Variants in KHDRBS3 observed in about 807,000 individuals in gnomAD.
KHDRBS3 encodes KH domain-containing, RNA-binding, signal transduction-associated protein 3.
KHDRBS3 carries 23 observed loss-of-function variants against 45.6 expected under a neutral mutation model. The ratio of observed to expected loss-of-function variants is 0.50; its 90% CI spans 0.36 to 0.72. KHDRBS3 has a LOEUF of 0.72. Among genes scored for constraint, KHDRBS3 ranks in the 30% least tolerant of loss-of-function variants. KHDRBS3 has a pLI of 0.00. For synonymous variants in KHDRBS3, 162 were observed against 156.5 expected (o/e 1.04, Z -0.26); for missense variants, 352 against 424.8 (o/e 0.83, Z 1.51).
At chr8:135,527,869 C>T (rs750981043) in intron 2 of KHDRBS3, among the ~76,000 whole-genome samples, 12 of 152,070 alleles carry the variant, frequency 7.9e-5, no homozygotes, top group South Asian at 2.1e-4. Context: ...TATAGGTTTT[C>T]GTGATATTTT....
intron 1 of KHDRBS3, among the ~76,000 whole-genome samples, chr8:135,489,984 T>G (rs951433975): frequency 1.3e-5 from 2 of 152,166 alleles, no homozygotes; most frequent in Non-Finnish European, 2.9e-5. Context: ...ACTGTTCCTT[T>G]TCCTTTTTGG....
At chr8:135,636,319 A>C (rs1231110476) in intron 7 of KHDRBS3, among the ~76,000 whole-genome samples, 1 of 152,250 alleles carries the variant, frequency 6.6e-6, no homozygotes, top group Non-Finnish European at 1.5e-5. Flanking sequence ...TAATAAAATT[A>C]GTAAATGTTT....
chr8:135,475,490 T>C (rs1421623808), intron 1 of KHDRBS3, among the ~76,000 whole-genome samples: 3 of 151,894 alleles, frequency 2.0e-5, no homozygotes, highest in African/African-American at 7.3e-5. Context: ...TTTTGTATTT[T>C]TAGTAGAGAC....
chr8:135,610,970 G>C (rs183605021), intron 7 of KHDRBS3, among the ~76,000 whole-genome samples: 2 of 152,030 alleles, frequency 1.3e-5, no homozygotes, highest in African/African-American at 4.8e-5. Context: ...AAATTAATTA[G>C]ATGACAGTTG....
At chr8:135,496,420 A>T (rs1823451985) in intron 1 of KHDRBS3, among the ~76,000 whole-genome samples, 1 of 152,044 alleles carries the variant, frequency 6.6e-6, no homozygotes, top group South Asian at 2.1e-4. Context: ...TTTAGTAGAG[A>T]TGGGTTTTCG....
At chr8:135,652,489 G>T (rs1189892609), downstream of KHDRBS3, among the ~76,000 whole-genome samples, 7 of 152,322 alleles carry the variant, frequency 4.6e-5, no homozygotes, top group East Asian at 1.4e-3. Flanking sequence ...AGCATGCTCT[G>T]ACCCCAGCCC....
intron 4 of KHDRBS3, among the ~76,000 whole-genome samples, chr8:135,556,593 T>C (rs1257227414): frequency 6.6e-6 from 1 of 152,238 alleles, no homozygotes; most frequent in Non-Finnish European, 1.5e-5. Context: ...TGCTTTCTTC[T>C]TGTAAATTTG....
chr8:135,612,530 T>C (rs1409165925), intron 7 of KHDRBS3, among the ~76,000 whole-genome samples: 1 of 151,954 alleles, frequency 6.6e-6, no homozygotes, highest in Non-Finnish European at 1.5e-5. Context: ...GGCAGTGCCA[T>C]GTAGCACTTG....
chr8:135,592,152 C>A (rs1828773814), intron 6 of KHDRBS3, among the ~76,000 whole-genome samples: 4 of 151,948 alleles, frequency 2.6e-5, no homozygotes. Context: ...AATCTTTTGC[C>A]TAAATTGCTT....
intron 5 of KHDRBS3, among the ~76,000 whole-genome samples, chr8:135,565,791 G>A (rs930995614): frequency 7.2e-5 from 11 of 152,184 alleles, no homozygotes; most frequent in Admixed American, 2.6e-4. Flanking sequence ...TGGAGTCTTG[G>A]CTGCTCAGCA....
At chr8:135,626,478 A>G (rs898566714) in intron 7 of KHDRBS3, among the ~76,000 whole-genome samples, 4 of 152,296 alleles carry the variant, frequency 2.6e-5, no homozygotes, top group Middle Eastern at 3.4e-3. Flanking sequence ...GCTTCCTGGC[A>G]TGGTGGACTT....
chr8:135,625,590 C>G (rs541823917), intron 7 of KHDRBS3: 335 of 956,116 alleles, frequency 3.5e-4, no homozygotes, highest in Non-Finnish European at 4.9e-4. Context: ...GTTTCTTGAC[C>G]TTGTCTGGCA....
At chr8:135,544,381 C>G (rs1326028437) in intron 3 of KHDRBS3, among the ~76,000 whole-genome samples, 3 of 152,154 alleles carry the variant, frequency 2.0e-5, no homozygotes, top group East Asian at 1.9e-4. Flanking sequence ...ACAGCAAGTG[C>G]CTGACTACCC....
At chr8:135,499,963 A>G (rs982359980) in intron 1 of KHDRBS3, among the ~76,000 whole-genome samples, 23 of 152,232 alleles carry the variant, frequency 1.5e-4, no homozygotes, top group African/African-American at 3.6e-4. Context: ...TTGTTAGCCT[A>G]TAACAGTTAC....
intron 7 of KHDRBS3, among the ~76,000 whole-genome samples, chr8:135,623,030 TCTC>T (rs1399424543): frequency 1.3e-5 from 2 of 152,222 alleles, no homozygotes; most frequent in Non-Finnish European, 2.9e-5. Flanking sequence ...TGCTAACAGT[TCTC>T]CTTATTACAT....
intron 5 of KHDRBS3, among the ~76,000 whole-genome samples, chr8:135,572,189 A>G (rs1221655232): frequency 6.6e-6 from 1 of 152,196 alleles, no homozygotes; most frequent in Non-Finnish European, 1.5e-5. Context: ...AAATGAAGGA[A>G]AAAAGTAAAA....
At chr8:135,558,798 A>T (rs1370090869) in intron 5 of KHDRBS3, among the ~76,000 whole-genome samples, 1 of 151,390 alleles carries the variant, frequency 6.6e-6, no homozygotes, top group Non-Finnish European at 1.5e-5. Flanking sequence ...TTGGCTGAAA[A>T]TGATAGAAAT....
At chr8:135,499,167 T>C (rs1823606196) in intron 1 of KHDRBS3, among the ~76,000 whole-genome samples, 1 of 152,148 alleles carries the variant, frequency 6.6e-6, no homozygotes, top group Non-Finnish European at 1.5e-5. Flanking sequence ...TTCAGTGTCT[T>C]TTTTTGGTGT....
At chr8:135,634,593 A>G (rs1353434152) in intron 7 of KHDRBS3, among the ~76,000 whole-genome samples, 2 of 152,256 alleles carry the variant, frequency 1.3e-5, no homozygotes, top group African/African-American at 4.8e-5. Flanking sequence ...GCACTAGTAG[A>G]TAAAACATGC....
Sources: gnomAD v4.1 joint callset for allele counts (sites outside exome capture counted in the v4.1 genomes callset) on GRCh38, gnomAD v4.1.1 for gene constraint, MANE v1.5 for transcripts, NCBI Gene and HGNC (gene_info 2026-07-23, HGNC 2026-07-21) for gene names.